Variants in FAM117A observed in about 807,000 individuals in gnomAD.
FAM117A encodes family with sequence similarity 117 member A, also known as protein FAM117A.
In FAM117A, 21 loss-of-function variants were observed where a neutral mutation model predicts 44.1. The observed-to-expected ratio is 0.48, with a 90% CI of 0.34 to 0.69. The LOEUF is 0.69. Ranked by LOEUF, FAM117A falls within the 30% of genes least tolerant of loss-of-function variation. The probability of loss-of-function intolerance (pLI) is 0.01; values close to 1 mark genes in which losing one functional copy is unlikely to be tolerated. For synonymous variants in FAM117A, 220 were observed against 238.3 expected (o/e 0.92, Z 0.71); for missense variants, 498 against 589.9 (o/e 0.84, Z 1.61).
At chr17:49,731,458 C>T (rs112813284) in intron 2 of FAM117A, among the ~76,000 whole-genome samples, 4 of 148,394 alleles carry the variant, frequency 2.7e-5, no homozygotes, top group East Asian at 1.9e-4. Flanking sequence ...ATATGAGATA[C>T]GTTCGTGCTA....
chr17:49,721,609 G>A (rs1408241232), intron 3 of FAM117A, among the ~76,000 whole-genome samples: 4 of 152,228 alleles, frequency 2.6e-5, no homozygotes, highest in Non-Finnish European at 5.9e-5. Flanking sequence ...CGTGCAGGGT[G>A]AGTCCTATCG....
chr17:49,751,298 A>C (rs1463030673), intron 1 of FAM117A, among the ~76,000 whole-genome samples: 1 of 150,904 alleles, frequency 6.6e-6, no homozygotes, highest in African/African-American at 2.4e-5. Flanking sequence ...AAAAAAAAAA[A>C]AGCCGGGCGC....
intron 1 of FAM117A, among the ~76,000 whole-genome samples, chr17:49,769,261 C>T (rs1199389684): frequency 6.6e-6 from 1 of 152,070 alleles, no homozygotes; most frequent in Admixed American, 6.6e-5. Flanking sequence ...TGCCACTGCA[C>T]TCCAGCCTGG....
At chr17:49,724,839 AG>A (rs2073552622) in intron 2 of FAM117A, among the ~76,000 whole-genome samples, 1 of 150,618 alleles carries the variant, frequency 6.6e-6, no homozygotes, top group Admixed American at 6.6e-5. Context: ...AAAAAAAAAA[AG>A]AAAGAAAGAA....
upstream of FAM117A, among the ~76,000 whole-genome samples, chr17:49,768,859 C>T (rs1250155425): frequency 6.6e-6 from 1 of 152,162 alleles, no homozygotes; most frequent in Non-Finnish European, 1.5e-5. Flanking sequence ...TCATTTTGTC[C>T]CTTGCTGTGG....
At chr17:49,781,984 A>C (rs1357313173) in intron 1 of FAM117A, among the ~76,000 whole-genome samples, 2 of 151,774 alleles carry the variant, frequency 1.3e-5, no homozygotes, top group African/African-American at 4.8e-5. Flanking sequence ...TCAAAAAAAT[A>C]AAATAAAATT....
rs145067189 is a variant in FAM117A, at chr17:49,711,489, C to A, written c.1128G>T (p.Pro376=). Residue 376 remains proline, a synonymous_variant, in exon 8 of 8, where the codon CCG becomes CCT. Coordinates refer to ENST00000240364, the MANE Select transcript of FAM117A (RefSeq NM_030802.4). ...CPDKNKVHFN[P]TGSAFCPVNL... The stretch of plus-strand genomic sequence containing the variant: ...TGACGGGGCAGAAGGCTGAGCCAGT[C>A]GGGTTGAAATGGACTTTGTTCTTGT... 14 of 1,613,834 alleles carry A rather than the reference C, an allele frequency of 8.7e-6. No individual in the cohort carries two copies. Among genetic ancestry groups the A allele is most frequent in the African/African-American group, 1.3e-5 (1 of 74,856 alleles).
At chr17:49,787,559 C>A (rs1439341935) in intron 1 of FAM117A, among the ~76,000 whole-genome samples, 1 of 152,208 alleles carries the variant, frequency 6.6e-6, no homozygotes, top group Admixed American at 6.5e-5. Flanking sequence ...TGGGGGAAAT[C>A]TCCATCTTAA....
chr17:49,719,785 T>A lies in FAM117A; in HGVS notation c.683A>T (p.Glu228Val). ...NQELEEVFVK[E>V]QGEEELLRIL... ...CCTCAGCAGCTCCTCTTCTCCCTGC[T>A]CCTTCACAAATACCTCCTCCAGCTC... The change falls in exon 5 of 8, where the codon GAG becomes GTG. Residue 228 changes from glutamate (E) to valine (V), a missense_variant. Coordinates refer to ENST00000240364, the MANE Select transcript of FAM117A (RefSeq NM_030802.4). 1 of 1,597,888 alleles carries A rather than the reference T, an allele frequency of 6.3e-7. No individual in the cohort carries two copies. Among genetic ancestry groups the A allele is most frequent in the Non-Finnish European group, 8.5e-7 (1 of 1,173,500 alleles).
intron 1 of FAM117A, among the ~76,000 whole-genome samples, chr17:49,779,558 T>C (rs2073784047): frequency 6.6e-6 from 1 of 152,200 alleles, no homozygotes; most frequent in South Asian, 2.1e-4. Flanking sequence ...AGACTATGGC[T>C]CTTTTTCCTA....
At chr17:49,768,992 C>A (rs1224462611), upstream of FAM117A, among the ~76,000 whole-genome samples, 1 of 152,172 alleles carries the variant, frequency 6.6e-6, no homozygotes, top group Non-Finnish European at 1.5e-5. Context: ...TAAATGGCAG[C>A]CCTTTTAAAA....
upstream of FAM117A, chr17:49,788,727 C>G: frequency 8.1e-7 from 1 of 1,242,228 alleles, no homozygotes; most frequent in Non-Finnish European, 1.1e-6. Context: ...AGGGATCGTC[C>G]GCAGGATTGG....
At chr17:49,774,542 T>C (rs2073770617) in intron 1 of FAM117A, among the ~76,000 whole-genome samples, 1 of 152,094 alleles carries the variant, frequency 6.6e-6, no homozygotes. Flanking sequence ...GTATTTTTAG[T>C]AGAGACGGGG....
intron 4 of FAM117A, 83 bp from the exon 5 acceptor site, chr17:49,719,977 T>C (rs2073525891): frequency 1.3e-6 from 2 of 1,503,428 alleles, no homozygotes; most frequent in Non-Finnish European, 1.8e-6. Context: ...GTAATGGTCA[T>C]GTCCACACAG....
intron 1 of FAM117A, among the ~76,000 whole-genome samples, chr17:49,745,318 A>G (rs911127697): frequency 6.6e-6 from 1 of 152,210 alleles, no homozygotes; most frequent in African/African-American, 2.4e-5. Context: ...TTAATTCAGA[A>G]CTGGCTTTAT....
chr17:49,741,010 C>T (rs895951300), intron 1 of FAM117A, among the ~76,000 whole-genome samples: 5 of 152,052 alleles, frequency 3.3e-5, no homozygotes, highest in African/African-American at 1.2e-4. Context: ...ATCTAGGGGA[C>T]GTGCTCCACT....
intron 1 of FAM117A, among the ~76,000 whole-genome samples, chr17:49,784,304 T>G (rs1260262509): frequency 6.6e-6 from 1 of 152,208 alleles, no homozygotes; most frequent in African/African-American, 2.4e-5. Flanking sequence ...TCCTTGTCTC[T>G]GGCTAAGGCT....
upstream of FAM117A, among the ~76,000 whole-genome samples, chr17:49,768,944 G>A (rs1307865596): frequency 6.6e-6 from 1 of 152,124 alleles, no homozygotes; most frequent in Non-Finnish European, 1.5e-5. Flanking sequence ...CACCCCTTCA[G>A]TCTCCTTTTG....
intron 1 of FAM117A, among the ~76,000 whole-genome samples, chr17:49,748,493 A>C (rs992109317): frequency 2.0e-5 from 3 of 152,222 alleles, no homozygotes; most frequent in Non-Finnish European, 2.9e-5. Context: ...TGAGGAATCA[A>C]GAGAATGGTG....
Sources: gnomAD v4.1 joint callset for allele counts (sites outside exome capture counted in the v4.1 genomes callset) on GRCh38, gnomAD v4.1.1 for gene constraint, MANE v1.5 for transcripts, NCBI Gene and HGNC (gene_info 2026-07-23, HGNC 2026-07-21) for gene names.